SEL1L3: variants seen among roughly 807,000 people sequenced by gnomAD.
SEL1L3 encodes protein sel-1 homolog 3.
A neutral mutation model predicts 142.8 loss-of-function variants in SEL1L3; 76 were observed. The observed-to-expected ratio is 0.53, with a 90% CI of 0.44 to 0.64. SEL1L3 has a LOEUF of 0.64. SEL1L3 is among the 30% of genes least tolerant of loss of function. The pLI, the probability that SEL1L3 is intolerant of heterozygous loss-of-function variation, is 0.00. For missense variants in SEL1L3, 1,262 were observed against 1,381.7 expected (o/e 0.91, Z 1.37); for synonymous variants, 504 against 519.6 (o/e 0.97, Z 0.41).
At chr4:25,814,936 T>A (rs1429306684) in intron 9 of SEL1L3, among the ~76,000 whole-genome samples, 2 of 152,070 alleles carry the variant, frequency 1.3e-5, no homozygotes, top group Admixed American at 6.5e-5. Flanking sequence ...AAGGAGTGTA[T>A]GCCCCACCTC....
intron 21 of SEL1L3, 127 bp downstream of exon 21, chr4:25,758,814 T>C (rs992190590): frequency 1.6e-5 from 17 of 1,051,924 alleles, no homozygotes; most frequent in Non-Finnish European, 2.1e-5. Flanking sequence ...GTGCCCTGCT[T>C]TTTGTTTTTG....
chr4:25,745,518 T>C (rs904193852), downstream of SEL1L3, among the ~76,000 whole-genome samples: 1 of 152,110 alleles, frequency 6.6e-6, no homozygotes, highest in Non-Finnish European at 1.5e-5. Flanking sequence ...CTGTTCCAAA[T>C]TGAGGCAAGG....
intron 23 of SEL1L3, among the ~76,000 whole-genome samples, chr4:25,754,997 C>A (rs887273811): frequency 6.6e-6 from 1 of 152,104 alleles, no homozygotes; most frequent in Non-Finnish European, 1.5e-5. Context: ...GGGTTTGAGG[C>A]AGATGACAAT....
intron 10 of SEL1L3, 81 bp from the exon 11 acceptor site, chr4:25,802,543 C>A: frequency 8.6e-7 from 1 of 1,162,806 alleles, no homozygotes; most frequent in Non-Finnish European, 1.2e-6. Flanking sequence ...TTGTCAGGCC[C>A]AATTCCTATA....
intron 17 of SEL1L3, among the ~76,000 whole-genome samples, chr4:25,770,693 T>C (rs546837197): frequency 8.3e-4 from 116 of 140,554 alleles, no homozygotes; most frequent in Non-Finnish European, 1.4e-3. Context: ...TGAGCCGAGA[T>C]TGCACCACTG....
At chr4:25,790,632 AAG>A in intron 11 of SEL1L3, 58 bp from the exon 12 acceptor site, 3 of 32,056 alleles carry the variant, frequency 9.4e-5, no homozygotes, top group South Asian at 2.1e-3. Flanking sequence ...GGAAGGAAGG[AAG>A]GAAGGAAGGA....
intron 20 of SEL1L3, among the ~76,000 whole-genome samples, chr4:25,763,185 GA>G (rs34349674): frequency 2.5e-4 from 37 of 145,118 alleles, no homozygotes; most frequent in Non-Finnish European, 4.0e-4. Flanking sequence ...AATAAAAATT[GA>G]AAAAAAAAAA....
At chr4:25,782,725 C>T (rs1271577423) in intron 14 of SEL1L3, among the ~76,000 whole-genome samples, 1 of 152,162 alleles carries the variant, frequency 6.6e-6, no homozygotes, top group Non-Finnish European at 1.5e-5. Context: ...CAAAAGGCCT[C>T]TGATTGCCCT....
downstream of SEL1L3, among the ~76,000 whole-genome samples, chr4:25,745,010 G>GATTTTT (rs1269407342): frequency 2.7e-5 from 4 of 146,654 alleles, no homozygotes; most frequent in African/African-American, 1.0e-4. Context: ...AATACATTAG[G>GATTTTT]GTTTTTGTTT....
the SEL1L3 span, among the ~76,000 whole-genome samples, chr4:25,717,418 C>A: frequency 6.6e-6 from 1 of 152,138 alleles, no homozygotes; most frequent in Non-Finnish European, 1.5e-5. Flanking sequence ...GTAATCCCTG[C>A]ACTTTGGAAG....
At chr4:25,733,928 T>C in the SEL1L3 span, among the ~76,000 whole-genome samples, 1 of 152,214 alleles carries the variant, frequency 6.6e-6, no homozygotes, top group Non-Finnish European at 1.5e-5. Context: ...TTGTTGCCAT[T>C]AAGTATAATG....
chr4:25,835,452 C>T, intron 2 of SEL1L3, 129 bp from the exon 3 acceptor site: 2 of 974,436 alleles, frequency 2.1e-6, no homozygotes, highest in South Asian at 1.6e-5. Context: ...AAAATATTAG[C>T]AAACATCTGT....
At chr4:25,740,797 T>C in the SEL1L3 span, among the ~76,000 whole-genome samples, 12,004 of 152,286 alleles carry the variant, frequency 0.079, 599 homozygotes, top group African/African-American at 0.14. Context: ...TTTTCTTTTT[T>C]TTCCTGAGAT....
intron 23 of SEL1L3, chr4:25,756,915 G>C: frequency 7.8e-7 from 1 of 1,278,092 alleles, no homozygotes; most frequent in South Asian, 1.3e-5. Flanking sequence ...AATTCTGACA[G>C]ATAAATTTTC....
intron 17 of SEL1L3, among the ~76,000 whole-genome samples, chr4:25,771,658 T>C (rs537839034): frequency 6.6e-6 from 1 of 152,306 alleles, no homozygotes; most frequent in Non-Finnish European, 1.5e-5. Flanking sequence ...TATGTATGCT[T>C]ACTTGCCTTG....
intron 2 of SEL1L3, among the ~76,000 whole-genome samples, chr4:25,840,333 T>C (rs1227977157): frequency 1.3e-5 from 2 of 152,166 alleles, no homozygotes; most frequent in African/African-American, 4.8e-5. Flanking sequence ...AAATATATAG[T>C]TTATAACTAC....
chr4:25,821,387 G>T (rs999264698), intron 7 of SEL1L3, among the ~76,000 whole-genome samples: 3 of 152,134 alleles, frequency 2.0e-5, no homozygotes, highest in Non-Finnish European at 2.9e-5. Context: ...TGCCCTGAAG[G>T]CTCCCTCATA....
intron 9 of SEL1L3, among the ~76,000 whole-genome samples, chr4:25,806,577 G>A (rs548722024): frequency 3.9e-5 from 6 of 152,244 alleles, no homozygotes; most frequent in African/African-American, 1.2e-4. Context: ...GGGGGTACAT[G>A]GGTGGGTTGG....
At chr4:25,856,607 AAAAAAAC>A (rs1717282139) in intron 1 of SEL1L3, among the ~76,000 whole-genome samples, 2 of 151,494 alleles carry the variant, frequency 1.3e-5, no homozygotes, top group South Asian at 4.2e-4. Context: ...AAAAAAAAAA[AAAAAAAC>A]AAAGAAATGG....
Sources: allele counts gnomAD v4.1 joint callset (sites outside exome capture counted in the v4.1 genomes callset), GRCh38; gene constraint gnomAD v4.1.1; transcripts MANE v1.5; gene names NCBI Gene and HGNC (gene_info 2026-07-23, HGNC 2026-07-21).